Variants in UGT1A8 observed in about 807,000 individuals in gnomAD.
UGT1A8 encodes the protein UDP-glucuronosyltransferase 1A8.
A neutral mutation model predicts 45.3 loss-of-function variants in UGT1A8; 39 were observed. The ratio of observed to expected loss-of-function variants is 0.86; its 90% CI spans 0.67 to 1.12. The LOEUF (loss-of-function observed/expected upper bound fraction) is 1.12. UGT1A8 is among the 50% of genes most tolerant of loss of function. The pLI, the probability that UGT1A8 is intolerant of heterozygous loss-of-function variation, is 0.00. For missense variants in UGT1A8, 719 were observed against 664.9 expected, an observed-to-expected ratio of 1.08 and a Z score of -0.90; for synonymous variants, 275 against 249.2, an observed-to-expected ratio of 1.10 and a Z score of -0.97.
intron 1 of UGT1A8, chr2:233,672,651 T>C (rs752391305): frequency 1.9e-6 from 3 of 1,613,910 alleles, no homozygotes; most frequent in South Asian, 2.2e-5. Context: ...AAACACCTGT[T>C]ACGGAGTATG....
chr2:233,642,311 T>C (rs1316212664), intron 1 of UGT1A8, among the ~76,000 whole-genome samples: 1 of 152,242 alleles, frequency 6.6e-6, no homozygotes, highest in Non-Finnish European at 1.5e-5. Context: ...TTTGATGCAT[T>C]CTTCATTATG....
At chr2:233,671,306 C>T (rs2074184894) in intron 1 of UGT1A8, among the ~76,000 whole-genome samples, 2 of 152,200 alleles carry the variant, frequency 1.3e-5, no homozygotes, top group Non-Finnish European at 2.9e-5. Flanking sequence ...CGGTTACTTT[C>T]CATCAAGTCC....
intron 1 of UGT1A8, among the ~76,000 whole-genome samples, chr2:233,717,441 A>T (rs985178855): frequency 6.6e-6 from 1 of 152,186 alleles, no homozygotes; most frequent in Non-Finnish European, 1.5e-5. Flanking sequence ...TGATGGACGC[A>T]TCCATTCACT....
rs1170923656 is a variant in UGT1A8 at position 233,772,696 on chromosome 2, T to TA, written c.*143dup. The TA allele has an allele frequency of 2.8e-5, 41 of 1,482,484 alleles. No individual in the cohort carries two copies. The highest frequency in any genetic ancestry group is 3.6e-5 in the Non-Finnish European group (41 of 1,123,730). The allele number at this position is 1,482,484 out of a possible 1,614,324, so 91.8% of individuals were successfully genotyped here. ...TAAATTAATCAGCCCCAGAGTGCTT[T>TA]AAAAAATTCTCTTAAATAAAAATAA... On this transcript the variant is annotated 3_prime_UTR_variant, in exon 5 of 5. Transcript: ENST00000373450.
chr2:233,760,385 T>A (rs368348566), intron 1 of UGT1A8: 30 of 1,614,058 alleles, frequency 1.9e-5, no homozygotes, highest in Non-Finnish European at 2.5e-5. Flanking sequence ...ATACTGTTGA[T>A]CCCAGTGGAT....
At chr2:233,732,423 T>C (rs1232820803) in intron 1 of UGT1A8, among the ~76,000 whole-genome samples, 1 of 152,264 alleles carries the variant, frequency 6.6e-6, no homozygotes, top group Non-Finnish European at 1.5e-5. Context: ...GGTTTTCTTC[T>C]AGGATTTTTA....
At chr2:233,672,009 A>G (rs1442361426) in intron 1 of UGT1A8, 1 of 1,614,114 alleles carries the variant, frequency 6.2e-7, no homozygotes, top group Admixed American at 1.7e-5. Context: ...TTGCCGAGGC[A>G]GGGAAGCTAC....
chr2:233,682,054 CA>C, intron 1 of UGT1A8: 3 of 1,614,100 alleles, frequency 1.9e-6, no homozygotes, highest in Non-Finnish European at 2.5e-6. Context: ...GCCACTGGTT[CA>C]CCATGCAGTC....
At chr2:233,740,454 A>T (rs1319736893) in intron 1 of UGT1A8, among the ~76,000 whole-genome samples, 4 of 151,980 alleles carry the variant, frequency 2.6e-5, no homozygotes, top group Admixed American at 2.0e-4. Flanking sequence ...GAGGAGAAGA[A>T]GATGATGGAC....
At chr2:233,628,690 G>A (rs2073134464) in intron 1 of UGT1A8, among the ~76,000 whole-genome samples, 1 of 152,092 alleles carries the variant, frequency 6.6e-6, no homozygotes, top group Non-Finnish European at 1.5e-5. Flanking sequence ...GCATGTGTTT[G>A]CCTTGAGGAG....
intron 1 of UGT1A8, among the ~76,000 whole-genome samples, chr2:233,653,754 A>T (rs143642706): frequency 0.013 from 1,946 of 152,270 alleles, 37 homozygotes; most frequent in South Asian, 0.034. Context: ...CCACCACCAC[A>T]GTCAGCAAAT....
chr2:233,646,907 T>G (rs1012582396), intron 1 of UGT1A8, among the ~76,000 whole-genome samples: 1 of 152,198 alleles, frequency 6.6e-6, no homozygotes, highest in Admixed American at 6.5e-5. Flanking sequence ...CAATTGACTG[T>G]ATTAGTCTGT....
At chr2:233,758,124 A>G (rs1696806452) in intron 1 of UGT1A8, among the ~76,000 whole-genome samples, 1 of 152,212 alleles carries the variant, frequency 6.6e-6, no homozygotes, top group South Asian at 2.1e-4. Flanking sequence ...CGTTCCATAA[A>G]TATTTGGCAG....
At chr2:233,706,790 T>C (rs774565833) in intron 1 of UGT1A8, among the ~76,000 whole-genome samples, 1 of 152,192 alleles carries the variant, frequency 6.6e-6, no homozygotes. Context: ...AGAAATACCA[T>C]GCACCAATTA....
intron 1 of UGT1A8, among the ~76,000 whole-genome samples, chr2:233,640,522 A>C (rs940848387): frequency 3.9e-5 from 6 of 152,180 alleles, no homozygotes; most frequent in Admixed American, 2.0e-4. Flanking sequence ...CTCATACAAC[A>C]TCTTTTTATG....
chr2:233,762,413 T>A (rs977567909), intron 1 of UGT1A8, among the ~76,000 whole-genome samples: 9 of 152,252 alleles, frequency 5.9e-5, no homozygotes, highest in African/African-American at 2.2e-4. Flanking sequence ...GGTTGCTTTT[T>A]CTACAAAATA....
At chr2:233,757,617 A>C (rs1696679661) in intron 1 of UGT1A8, among the ~76,000 whole-genome samples, 1 of 148,812 alleles carries the variant, frequency 6.7e-6, no homozygotes, top group South Asian at 2.2e-4. Flanking sequence ...AACTGCTAAA[A>C]GATACAAGGC....
intron 1 of UGT1A8, chr2:233,754,923 C>G (rs1466218732): frequency 7.4e-7 from 1 of 1,349,888 alleles, no homozygotes; most frequent in Non-Finnish European, 9.9e-7. Flanking sequence ...CAGCGGGTTT[C>G]CCAAGAGGTC....
In UGT1A8 at chr2:233,724,597, G is replaced by T. The variant is rs1338204935; in HGVS notation, c.856-42437G>T. The stretch of plus-strand genomic sequence containing the variant: ...CAGAGGCGCTCCCCACATCTCAGAC[G>T]ATGGGCGGCCGGGCAGAGACGCTCC... On this transcript the variant is annotated intron_variant, in intron 1 of 4. Coordinates refer to ENST00000373450, the MANE Select transcript of UGT1A8 (RefSeq NM_019076.5). Among the ~76,000 whole-genome samples the T allele has an allele frequency of 7.7e-3, 1,007 of 130,776 alleles. 47 individuals are homozygous for T. Among genetic ancestry groups the T allele is most frequent in the African/African-American group, 0.029 (930 of 32,516 alleles). 85.8% of individuals were successfully genotyped at this position (130,776 alleles called of 152,430 possible).
Sources: allele counts gnomAD v4.1 joint callset (sites outside exome capture counted in the v4.1 genomes callset), GRCh38; gene constraint gnomAD v4.1.1; transcripts MANE v1.5; gene names NCBI Gene and HGNC (gene_info 2026-07-23, HGNC 2026-07-21).